Variants in GPC5 observed in about 807,000 individuals in gnomAD.
GPC5 encodes the protein glypican 5, also known as glypican-5.
A neutral mutation model predicts 53.9 loss-of-function variants in GPC5; 47 were observed. The ratio of observed to expected loss-of-function variants is 0.87; its 90% CI spans 0.69 to 1.11. The LOEUF (loss-of-function observed/expected upper bound fraction) is 1.11. Ranked by LOEUF, GPC5 falls within the 50% of genes most tolerant of loss-of-function variation. The pLI is 0.00. For synonymous variants in GPC5, 286 were observed against 263.3 expected (o/e 1.09, Z -0.84); for missense variants, 748 against 713.1 (o/e 1.05, Z -0.56).
At chr13:92,438,402 A>G (rs939900098) in intron 7 of GPC5, among the ~76,000 whole-genome samples, 4 of 142,930 alleles carry the variant, frequency 2.8e-5, no homozygotes, top group Non-Finnish European at 4.6e-5. Flanking sequence ...ATATATATAT[A>G]TATATATTAC....
chr13:91,970,391 A>G (rs2040230268), intron 6 of GPC5, among the ~76,000 whole-genome samples: 1 of 152,104 alleles, frequency 6.6e-6, no homozygotes, highest in African/African-American at 2.4e-5. Flanking sequence ...AGAGTTAACA[A>G]TGCTGTATTG....
intron 5 of GPC5, among the ~76,000 whole-genome samples, chr13:91,788,469 A>G (rs2037912431): frequency 6.6e-6 from 1 of 152,204 alleles, no homozygotes; most frequent in Non-Finnish European, 1.5e-5. Context: ...GGAAAAAAAT[A>G]AGAAACAGAA....
At chr13:92,125,908 A>C in intron 6 of GPC5, among the ~76,000 whole-genome samples, 1 of 137,866 alleles carries the variant, frequency 7.3e-6, no homozygotes, top group Admixed American at 7.4e-5. Context: ...ATTAGAAAGG[A>C]AACATTTGTT....
chr13:92,399,283 T>C (rs1382075215), intron 7 of GPC5, among the ~76,000 whole-genome samples: 2 of 152,174 alleles, frequency 1.3e-5, no homozygotes, highest in South Asian at 2.1e-4. Flanking sequence ...CTTAAAATAA[T>C]TAAAATGTAA....
chr13:91,498,105 C>CT (rs1884382002), intron 2 of GPC5, among the ~76,000 whole-genome samples: 1 of 150,972 alleles, frequency 6.6e-6, no homozygotes, highest in Non-Finnish European at 1.5e-5. Flanking sequence ...TTTTCTCCCG[C>CT]TTAATGCTTT....
At chr13:92,787,867 A>G (rs1391998888) in intron 7 of GPC5, among the ~76,000 whole-genome samples, 1 of 137,844 alleles carries the variant, frequency 7.3e-6, no homozygotes, top group Non-Finnish European at 1.6e-5. Flanking sequence ...ACAAAGTAAG[A>G]CCCTGTCTCA....
intron 4 of GPC5, among the ~76,000 whole-genome samples, chr13:91,741,870 C>A (rs546838767): frequency 6.6e-6 from 1 of 152,172 alleles, no homozygotes; most frequent in African/African-American, 2.4e-5. Context: ...AATTTAATAT[C>A]ATTTATAGTA....
intron 2 of GPC5, among the ~76,000 whole-genome samples, chr13:91,483,621 G>T (rs1035364139): frequency 1.3e-5 from 2 of 152,166 alleles, no homozygotes; most frequent in African/African-American, 4.8e-5. Context: ...TTCTGACCTA[G>T]AGGTAATAGC....
intron 6 of GPC5, among the ~76,000 whole-genome samples, chr13:92,042,348 C>T (rs554862370): frequency 3.3e-5 from 5 of 152,134 alleles, no homozygotes; most frequent in South Asian, 4.2e-4. Context: ...GTGATAGCAC[C>T]AGGGCCTCCA....
At chr13:92,717,754 G>C (rs923602889) in intron 7 of GPC5, among the ~76,000 whole-genome samples, 1 of 152,048 alleles carries the variant, frequency 6.6e-6, no homozygotes, top group Non-Finnish European at 1.5e-5. Flanking sequence ...AACATTAAAG[G>C]TTTGTTACAG....
intron 2 of GPC5, among the ~76,000 whole-genome samples, chr13:91,673,588 A>T (rs541629615): frequency 2.4e-4 from 36 of 152,294 alleles, no homozygotes; most frequent in African/African-American, 8.4e-4. Context: ...CGTGATGGTG[A>T]TGCAGGAAGC....
At chr13:92,151,009 G>T (rs1468694498) in intron 7 of GPC5, among the ~76,000 whole-genome samples, 2 of 151,842 alleles carry the variant, frequency 1.3e-5, no homozygotes, top group Non-Finnish European at 2.9e-5. Context: ...GTCTATTTTT[G>T]ATGTCATTTT....
At chr13:92,493,164 G>A (rs1442643021) in intron 7 of GPC5, among the ~76,000 whole-genome samples, 2 of 152,100 alleles carry the variant, frequency 1.3e-5, no homozygotes, top group African/African-American at 4.8e-5. Context: ...ATTCTCATCT[G>A]CATGAGATAT....
At chr13:91,652,770 A>G (rs2034748057) in intron 2 of GPC5, among the ~76,000 whole-genome samples, 1 of 152,242 alleles carries the variant, frequency 6.6e-6, no homozygotes, top group Non-Finnish European at 1.5e-5. Context: ...AGGACCTACT[A>G]TAGTTTGGTC....
intron 7 of GPC5, among the ~76,000 whole-genome samples, chr13:92,427,442 T>A (rs1298209279): frequency 1.4e-5 from 2 of 147,786 alleles, no homozygotes; most frequent in African/African-American, 2.5e-5. Context: ...TTAGCTCGGA[T>A]ATAAAATCTT....
intron 7 of GPC5, among the ~76,000 whole-genome samples, chr13:92,534,407 A>G (rs1183656142): frequency 6.6e-6 from 1 of 152,196 alleles, no homozygotes; most frequent in East Asian, 1.9e-4. Context: ...GCGACAAAAC[A>G]GTTGGGCAAA....
At chr13:91,936,009 T>C (rs1356329105) in intron 6 of GPC5, among the ~76,000 whole-genome samples, 5 of 151,584 alleles carry the variant, frequency 3.3e-5, no homozygotes, top group Admixed American at 6.6e-5. Flanking sequence ...ACTCACTTAA[T>C]TTTGAAAAAG....
At chr13:92,375,804 A>C (rs2043689361) in intron 7 of GPC5, among the ~76,000 whole-genome samples, 1 of 152,206 alleles carries the variant, frequency 6.6e-6, no homozygotes, top group Non-Finnish European at 1.5e-5. Flanking sequence ...CACTGAGATA[A>C]TTTGGTATAG....
chr13:92,267,101 C>T (rs1031894928), intron 7 of GPC5, among the ~76,000 whole-genome samples: 3 of 151,936 alleles, frequency 2.0e-5, no homozygotes, highest in African/African-American at 4.8e-5. Context: ...ATTTCTTTCT[C>T]GGAGTTCTAA....
Sources: gnomAD v4.1 joint callset for allele counts (sites outside exome capture counted in the v4.1 genomes callset) on GRCh38, gnomAD v4.1.1 for gene constraint, MANE v1.5 for transcripts, NCBI Gene and HGNC (gene_info 2026-07-23, HGNC 2026-07-21) for gene names.